Variants in NEBL observed in about 807,000 individuals in gnomAD.
The protein encoded by NEBL is LIM and SH3 protein 2.
In NEBL, 122 loss-of-function variants were observed where a neutral mutation model predicts 140.2. The ratio of observed to expected loss-of-function variants is 0.87; its 90% confidence interval spans 0.75 to 1.01. The LOEUF (loss-of-function observed/expected upper bound fraction) is 1.01. NEBL is among the 50% of genes least tolerant of loss of function. The pLI is 0.00. For synonymous variants in NEBL, 436 were observed against 398.9 expected, an observed-to-expected ratio of 1.09 and a Z score of -1.11; for missense variants, 1,365 against 1,231.3, an observed-to-expected ratio of 1.11 and a Z score of -1.62.
chr10:21,245,815 C>A (rs1006437237), intron 3 of NEBL, among the ~76,000 whole-genome samples: 1 of 152,216 alleles, frequency 6.6e-6, no homozygotes, highest in African/African-American at 2.4e-5. Context: ...CCTGCCTCAG[C>A]CTCCCAAGTA....
chr10:21,279,289 A>ATT (rs33940640), intron 1 of NEBL, among the ~76,000 whole-genome samples: 13,616 of 131,704 alleles, frequency 0.1, 986 homozygotes, highest in South Asian at 0.18. Context: ...TATTTTTTCA[A>ATT]TTTTTTTTTT....
At chr10:21,108,293 G>A (rs1319906506) in intron 2 of NEBL, among the ~76,000 whole-genome samples, 2 of 152,032 alleles carry the variant, frequency 1.3e-5, no homozygotes, top group African/African-American at 4.8e-5. Flanking sequence ...TCTCTTGTGG[G>A]CATTTAGTGC....
rs985752965 is a variant in NEBL, at chr10:20,784,535, C to T, written c.*1212G>A. Reference sequence around the variant, plus strand: ...TGGAAAAGGACGTCTTTTGATTAACCCGTTTTGGTGGCTAGATTTCCATTC... The same window carrying T: ...TGGAAAAGGACGTCTTTTGATTAACTCGTTTTGGTGGCTAGATTTCCATTC... On this transcript the variant is annotated 3_prime_UTR_variant, in exon 28 of 28. Transcript: ENST00000377122. The T allele has an allele frequency of 1.3e-5, 2 of 152,062 alleles. No homozygotes were observed. Among genetic ancestry groups the T allele is most frequent in the African/African-American group, 4.8e-5 (2 of 41,408 alleles). The allele number at this position is 152,062 out of a possible 1,614,324, so 9.4% of individuals were successfully genotyped here.
At chr10:20,890,550 C>A (rs890501963) in intron 2 of NEBL, among the ~76,000 whole-genome samples, 1 of 152,202 alleles carries the variant, frequency 6.6e-6, no homozygotes, top group Admixed American at 6.5e-5. Flanking sequence ...TCCTCCTGAG[C>A]GCAGAGAAGA....
At chr10:21,099,916 A>C (rs146698857) in intron 2 of NEBL, among the ~76,000 whole-genome samples, 1 of 152,222 alleles carries the variant, frequency 6.6e-6, no homozygotes, top group Non-Finnish European at 1.5e-5. Flanking sequence ...TTATAACTCA[A>C]TAAGAAACTG....
At chr10:20,817,490 G>T in intron 21 of NEBL, 110 bp downstream of exon 21, 1 of 949,694 alleles carries the variant, frequency 1.1e-6, no homozygotes, top group South Asian at 1.3e-5. Context: ...AGTCAAATGA[G>T]AACAGGACAT....
chr10:20,913,485 TA>T (rs1409368412), intron 4 of NEBL, among the ~76,000 whole-genome samples: 1 of 152,152 alleles, frequency 6.6e-6, no homozygotes, highest in African/African-American at 2.4e-5. Context: ...ACTTGGAATA[TA>T]AAAATATTTA....
At chr10:21,177,761 C>T (rs113304234), upstream of NEBL, among the ~76,000 whole-genome samples, 3 of 152,142 alleles carry the variant, frequency 2.0e-5, no homozygotes, top group African/African-American at 7.2e-5. Context: ...ATCTCCTGAC[C>T]TCATGATCTG....
At chr10:20,815,850 C>T in intron 21 of NEBL, 133 bp from the exon 22 acceptor site, 2 of 705,110 alleles carry the variant, frequency 2.8e-6, no homozygotes, top group Admixed American at 2.0e-5. Context: ...CTCACCACAG[C>T]CTCGATCTCC....
At chr10:21,153,859 A>G (rs1255387606) in intron 2 of NEBL, among the ~76,000 whole-genome samples, 1 of 152,198 alleles carries the variant, frequency 6.6e-6, no homozygotes, top group Admixed American at 6.5e-5. Context: ...AATAAACGTA[A>G]GTCTTTACAT....
chr10:20,786,913 C>T (rs1835461331), intron 27 of NEBL, among the ~76,000 whole-genome samples: 1 of 152,152 alleles, frequency 6.6e-6, no homozygotes, highest in Non-Finnish European at 1.5e-5. Flanking sequence ...GAGTAAAGAG[C>T]ATAATCGGCT....
At chr10:20,911,443 T>C (rs1459894713) in intron 4 of NEBL, among the ~76,000 whole-genome samples, 3 of 152,120 alleles carry the variant, frequency 2.0e-5, no homozygotes, top group Admixed American at 1.3e-4. Context: ...AAACTCTCTT[T>C]GTATTATGAT....
At chr10:20,807,027 C>CA (rs1178948001) in intron 26 of NEBL, among the ~76,000 whole-genome samples, 3 of 152,012 alleles carry the variant, frequency 2.0e-5, no homozygotes, top group African/African-American at 7.3e-5. Flanking sequence ...ACCCCACGTC[C>CA]AAAAAAAGTA....
chr10:21,217,905 C>G (rs1564544334), intron 3 of NEBL: 1 of 152,380 alleles, frequency 6.6e-6, no homozygotes, highest in Non-Finnish European at 1.5e-5. Flanking sequence ...GTGCAACCTA[C>G]AGCAAGCCTG....
chr10:20,894,746 C>G (rs1227694734), intron 2 of NEBL, among the ~76,000 whole-genome samples: 1 of 104,388 alleles, frequency 9.6e-6, no homozygotes, highest in Non-Finnish European at 2.0e-5. Flanking sequence ...AACCCCGTCT[C>G]TACTAAAAAA....
chr10:20,889,676 CTA>C (rs771854406), intron 3 of NEBL, among the ~76,000 whole-genome samples, 167 bp downstream of exon 3: 4 of 152,064 alleles, frequency 2.6e-5, no homozygotes, highest in Non-Finnish European at 5.9e-5. Flanking sequence ...ATCTGTCAAT[CTA>C]TATGAGTTAA....
intron 3 of NEBL, among the ~76,000 whole-genome samples, chr10:21,243,884 A>AAG (rs891862005): frequency 1.1e-4 from 17 of 149,736 alleles, no homozygotes; most frequent in South Asian, 2.2e-4. Context: ...CAAAAAAAGA[A>AAG]AGAGAGAGAG....
chr10:21,036,003 A>C (rs1834002203), intron 2 of NEBL, among the ~76,000 whole-genome samples: 1 of 152,004 alleles, frequency 6.6e-6, no homozygotes, highest in South Asian at 2.1e-4. Flanking sequence ...TTTCCACCAA[A>C]AATACAAAAA....
intron 4 of NEBL, among the ~76,000 whole-genome samples, chr10:20,917,416 G>A (rs555489961): frequency 2.6e-5 from 4 of 152,110 alleles, no homozygotes; most frequent in Admixed American, 6.6e-5. Flanking sequence ...ACCCATTGGC[G>A]TCACAACAGA....
Sources: gnomAD v4.1 joint callset for allele counts (sites outside exome capture counted in the v4.1 genomes callset) on GRCh38, gnomAD v4.1.1 for gene constraint, MANE v1.5 for transcripts, NCBI Gene and HGNC (gene_info 2026-07-23, HGNC 2026-07-21) for gene names.